The following AMPH variants were observed in gnomAD, a reference collection of about 807,000 sequenced individuals.
The protein encoded by AMPH is amphiphysin (Stiff-Mann syndrome with breast cancer 128kD autoantigen).
A neutral mutation model predicts 99.1 loss-of-function variants in AMPH; 49 were observed. That is an observed-to-expected ratio of 0.49 (90% CI 0.39 to 0.63). The LOEUF (loss-of-function observed/expected upper bound fraction) is 0.63, where lower values mean the gene tolerates loss of function less well. AMPH is among the 20% of genes least tolerant of loss of function. The pLI, the probability that AMPH is intolerant of heterozygous loss-of-function variation, is 0.00. For synonymous variants in AMPH, 314 were observed against 317.3 expected, an observed-to-expected ratio of 0.99 and a Z score of 0.11; for missense variants, 759 against 863.4, an observed-to-expected ratio of 0.88 and a Z score of 1.52.
chr7:38,439,113 C>T (rs575679787), intron 11 of AMPH, among the ~76,000 whole-genome samples: 8 of 152,322 alleles, frequency 5.3e-5, no homozygotes, highest in Middle Eastern at 3.4e-3. Flanking sequence ...TGTCTCTCTC[C>T]TGCCACCATT....
intron 1 of AMPH, among the ~76,000 whole-genome samples, chr7:38,590,087 T>C (rs1229482015): frequency 6.6e-6 from 1 of 152,082 alleles, no homozygotes; most frequent in Non-Finnish European, 1.5e-5. Context: ...CAAGATGAGG[T>C]GGGCCTTTTG....
At chr7:38,591,978 T>C (rs1792874274) in intron 1 of AMPH, among the ~76,000 whole-genome samples, 1 of 152,224 alleles carries the variant, frequency 6.6e-6, no homozygotes, top group South Asian at 2.1e-4. Context: ...CTCACAGCCT[T>C]CAGAGCTTAG....
intron 11 of AMPH, among the ~76,000 whole-genome samples, chr7:38,455,229 C>A (rs1177562580): frequency 2.0e-5 from 3 of 152,086 alleles, no homozygotes; most frequent in African/African-American, 4.8e-5. Flanking sequence ...CACCACCATG[C>A]CCGGCTAATT....
intron 1 of AMPH, among the ~76,000 whole-genome samples, chr7:38,601,971 C>T (rs1235232243): frequency 6.6e-6 from 1 of 152,192 alleles, no homozygotes; most frequent in African/African-American, 2.4e-5. Context: ...CCATAACTAC[C>T]TGTGGGTATC....
intron 1 of AMPH, among the ~76,000 whole-genome samples, chr7:38,574,174 G>A (rs1345325756): frequency 6.6e-6 from 1 of 152,194 alleles, no homozygotes; most frequent in Non-Finnish European, 1.5e-5. Flanking sequence ...CACAACGAGT[G>A]ATGCCAACTT....
intron 13 of AMPH, 147 bp from the exon 14 acceptor site, chr7:38,430,012 A>T: frequency 1.4e-6 from 1 of 740,730 alleles, no homozygotes; most frequent in Non-Finnish European, 2.1e-6. Context: ...GTTTTGTGAT[A>T]GGAATGATTT....
intron 3 of AMPH, among the ~76,000 whole-genome samples, chr7:38,498,278 G>A (rs1407539645): frequency 6.6e-6 from 1 of 152,002 alleles, no homozygotes; most frequent in Non-Finnish European, 1.5e-5. Flanking sequence ...CATCACCTAC[G>A]ATTTAGATTA....
intron 5 of AMPH, among the ~76,000 whole-genome samples, chr7:38,478,690 T>C (rs755080042): frequency 9.2e-5 from 14 of 152,226 alleles, no homozygotes; most frequent in Non-Finnish European, 1.3e-4. Context: ...ACGACTAATA[T>C]GTTAAAGTAT....
At chr7:38,467,483 A>G (rs1398581051) in intron 7 of AMPH, among the ~76,000 whole-genome samples, 1 of 152,046 alleles carries the variant, frequency 6.6e-6, no homozygotes, top group Non-Finnish European at 1.5e-5. Context: ...AATTCTTAAC[A>G]CTTTTCTTCC....
intron 7 of AMPH, among the ~76,000 whole-genome samples, chr7:38,473,903 A>G (rs1787988154): frequency 6.6e-6 from 1 of 152,040 alleles, no homozygotes; most frequent in Admixed American, 6.5e-5. Context: ...TAAAAGTTGT[A>G]TATATTCAGG....
intron 1 of AMPH, among the ~76,000 whole-genome samples, chr7:38,571,314 T>TATATAGAATATATATTTAC (rs1562835331): frequency 2.9e-4 from 19 of 66,084 alleles, no homozygotes; most frequent in Admixed American, 8.6e-4. Context: ...TATATATTTA[T>TATATAGAATATATATTTAC]ATATAGAATA....
intron 6 of AMPH, among the ~76,000 whole-genome samples, chr7:38,476,190 G>T (rs1001590577): frequency 6.6e-6 from 1 of 152,200 alleles, no homozygotes; most frequent in Non-Finnish European, 1.5e-5. Flanking sequence ...GATCAGGATG[G>T]ACAGGTGAGT....
At chr7:38,410,567 CTTGTTACTACAAAGAA>C (rs1785184929) in intron 17 of AMPH, among the ~76,000 whole-genome samples, 1 of 152,196 alleles carries the variant, frequency 6.6e-6, no homozygotes, top group Admixed American at 6.5e-5. Context: ...ACAGGGTGCT[CTTGTTACTACAAAGAA>C]TTGTTACTAC....
intron 2 of AMPH, among the ~76,000 whole-genome samples, chr7:38,528,020 T>G (rs57760385): frequency 0.24 from 36,899 of 152,156 alleles, 4,852 homozygotes; most frequent in Non-Finnish European, 0.3. Flanking sequence ...ATTTTTTTCC[T>G]TACCTTGTTT....
intron 2 of AMPH, among the ~76,000 whole-genome samples, chr7:38,518,488 T>C (rs1307854166): frequency 2.0e-5 from 3 of 152,218 alleles, no homozygotes; most frequent in Non-Finnish European, 4.4e-5. Flanking sequence ...GTAAATGGGA[T>C]ATAGAGTCAA....
intron 1 of AMPH, among the ~76,000 whole-genome samples, chr7:38,553,743 T>C (rs1584238422): frequency 6.6e-6 from 1 of 152,216 alleles, no homozygotes; most frequent in Admixed American, 6.5e-5. Flanking sequence ...AAAACTCAAA[T>C]TGATACACAT....
At chr7:38,479,327 A>C (rs10951557) in intron 5 of AMPH, among the ~76,000 whole-genome samples, 37,837 of 151,912 alleles carry the variant, frequency 0.25, 5,729 homozygotes, top group African/African-American at 0.39. Flanking sequence ...CCAACTCAGA[A>C]TTCCACACCC....
chr7:38,616,149 C>G (rs1029176683), intron 1 of AMPH, among the ~76,000 whole-genome samples: 1 of 152,164 alleles, frequency 6.6e-6, no homozygotes, highest in East Asian at 1.9e-4. Context: ...CTCCTCTGCA[C>G]AAGCAAGTCG....
chr7:38,465,880 A>ACTT (rs1787633273), intron 8 of AMPH, among the ~76,000 whole-genome samples: 1 of 152,206 alleles, frequency 6.6e-6, no homozygotes, highest in African/African-American at 2.4e-5. Context: ...TTATCTAAAT[A>ACTT]CTTTGAGAGC....
Sources: gnomAD v4.1 joint callset for allele counts (sites outside exome capture counted in the v4.1 genomes callset) on GRCh38, gnomAD v4.1.1 for gene constraint, MANE v1.5 for transcripts, NCBI Gene and HGNC (gene_info 2026-07-23, HGNC 2026-07-21) for gene names.